Variants in KLC1 observed in about 807,000 individuals in gnomAD.
The protein encoded by KLC1 is kinesin 2 60/70kDa.
A neutral mutation model predicts 84.2 loss-of-function variants in KLC1; 30 were observed. The observed-to-expected ratio is 0.36, with a 90% CI of 0.27 to 0.48. The LOEUF (loss-of-function observed/expected upper bound fraction) is 0.48, where lower values mean the gene tolerates loss of function less well. Among genes scored for constraint, KLC1 ranks in the 20% least tolerant of loss-of-function variants. The pLI is 0.99. For synonymous variants in KLC1, 289 were observed against 293.3 expected, an observed-to-expected ratio of 0.99 and a Z score of 0.15; for missense variants, 499 against 805.4, an observed-to-expected ratio of 0.62 and a Z score of 4.60.
intron 15 of KLC1, chr14:103,697,899 C>T (rs1014132366): frequency 2.0e-5 from 3 of 152,282 alleles, no homozygotes; most frequent in Non-Finnish European, 4.4e-5. Flanking sequence ...GCAGGTGGCC[C>T]TGCCAGGAGT....
chr14:103,688,512 T>G (rs2081917375), intron 14 of KLC1, among the ~76,000 whole-genome samples: 1 of 152,204 alleles, frequency 6.6e-6, no homozygotes, highest in Admixed American at 6.5e-5. Flanking sequence ...TCTCTCTCAG[T>G]ATCCCTGATA....
Position 103,675,773 on chromosome 14 carries a change from G to T in KLC1, c.1379+17G>T. 4 of 1,611,578 alleles carry T rather than the reference G, an allele frequency of 2.5e-6. No homozygotes were observed. The highest frequency in any genetic ancestry group is 3.4e-6 in the Non-Finnish European group (4 of 1,178,280). Reference sequence around the variant, plus strand: ...AGTTGATAGGTATGTCTGGAATTGCGTTTGGCTGGAAAAACCAAAAAGCAG... The same window carrying T: ...AGTTGATAGGTATGTCTGGAATTGCTTTTGGCTGGAAAAACCAAAAAGCAG... On this transcript the variant is annotated intron_variant, in intron 11 of 16. Transcript: ENST00000334553.
At chr14:103,684,894 C>G (rs2081654562) in intron 13 of KLC1, 4 of 717,336 alleles carry the variant, frequency 5.6e-6, no homozygotes, top group African/African-American at 5.2e-5. Flanking sequence ...ATTTTAGCAT[C>G]CTTTTTCTCA....
chr14:103,659,210 C>T (rs1416538531), intron 3 of KLC1, among the ~76,000 whole-genome samples: 1 of 152,162 alleles, frequency 6.6e-6, no homozygotes, highest in Non-Finnish European at 1.5e-5. Context: ...GGTCATCCCC[C>T]CGCCTCGGCC....
rs975228418 is a variant in KLC1, at chr14:103,698,581, T to C, written c.1849-2074T>C. ...ACCAGGTACCCAGCAAGCGGGCCTG[T>C]CCCCAGACCCAGGGAGAGGCAGAAC... On this transcript the variant is annotated intron_variant, in intron 15 of 16. Coordinates refer to ENST00000334553, the MANE Select transcript of KLC1 (RefSeq NM_001394837.1). The C allele has an allele frequency of 8.4e-6, 5 of 596,424 alleles. No individual in the cohort carries two copies. The African/African-American group carries it at 9.3e-5, about 11-fold the overall frequency. The allele number at this position is 596,424 out of a possible 1,614,324, so 36.9% of individuals were successfully genotyped here. A position where few individuals can be genotyped will look rare whatever the true frequency, so the allele number is the denominator to read the frequency against.
intron 12 of KLC1, among the ~76,000 whole-genome samples, chr14:103,678,703 A>G (rs1380450082): frequency 6.6e-6 from 1 of 152,064 alleles, no homozygotes; most frequent in African/African-American, 2.4e-5. Flanking sequence ...GAAAGAAAAA[A>G]AAAAAGAAAA....
chr14:103,692,439 CCCGAATTGTG>C lies in KLC1; in HGVS notation c.1848+15_1848+24del. The C allele has an allele frequency of 1.3e-6, 2 of 1,536,038 alleles. No homozygotes were observed. The highest frequency in any genetic ancestry group is 1.7e-6 in the Non-Finnish European group (2 of 1,146,522). ...GATCGCTTTCAAGTAAGGAGCCTAC[CCCGAATTGTG>C]TCCTAGGCTGCCCAGACCACGCTGG... On this transcript the variant is annotated intron_variant, in intron 15 of 16. Transcript: ENST00000334553.
chr14:103,684,910 A>G lies in KLC1; in HGVS notation c.1651-2171A>G, dbSNP rs1480046389. On this transcript the variant is annotated intron_variant, in intron 13 of 16. Coordinates refer to ENST00000334553, the MANE Select transcript of KLC1 (RefSeq NM_001394837.1). ...TTTTAGCATCCTTTTTCTCAAGAGC[A>G]GCAAAAACTTATGTTTTCTTGTCCT... The G allele has an allele frequency of 4.1e-6, 3 of 726,610 alleles. No individual in the cohort carries two copies. The Admixed American group carries it at 6.0e-5, about 15-fold the overall frequency. 45.0% of individuals were successfully genotyped at this position (726,610 alleles called of 1,614,324 possible).
intron 1 of KLC1, among the ~76,000 whole-genome samples, chr14:103,636,995 C>T (rs2077093666): frequency 6.7e-6 from 1 of 148,294 alleles, no homozygotes; most frequent in South Asian, 2.2e-4. Flanking sequence ...TCCCAAAGTG[C>T]TGGTATTAAC....
Position 103,657,419 on chromosome 14 carries a change from T to C in KLC1, c.262-127T>C. On this transcript the variant is annotated intron_variant, in intron 2 of 16. Transcript: ENST00000334553. ...AGAGAAGTAAATGGCAGATTGTACT[T>C]ATATGTACTTTGGAGAAAATATCTG... The C allele has an allele frequency of 3.0e-6, 2 of 670,342 alleles. 1 individual carries two copies. The highest frequency in any genetic ancestry group is 5.2e-6 in the Non-Finnish European group (2 of 381,974). The allele number at this position is 670,342 out of a possible 1,614,324, so 41.5% of individuals were successfully genotyped here. A position where few individuals can be genotyped will look rare whatever the true frequency, so the allele number is the denominator to read the frequency against.
chr14:103,666,058 T>C (rs2079763659), intron 5 of KLC1, among the ~76,000 whole-genome samples: 1 of 152,242 alleles, frequency 6.6e-6, no homozygotes, highest in African/African-American at 2.4e-5. Context: ...ATTTGAGTTC[T>C]TGGTGGGCTT....
intron 1 of KLC1, among the ~76,000 whole-genome samples, chr14:103,635,081 G>A (rs902996880): frequency 6.6e-6 from 1 of 152,168 alleles, no homozygotes; most frequent in Non-Finnish European, 1.5e-5. Flanking sequence ...TTGCATATAT[G>A]CTTTTTGAAT....
intron 1 of KLC1, among the ~76,000 whole-genome samples, chr14:103,640,346 C>T (rs1190468728): frequency 6.6e-6 from 1 of 152,126 alleles, no homozygotes; most frequent in Non-Finnish European, 1.5e-5. Context: ...AGGCATGAGC[C>T]ACTGCCCCTG....
chr14:103,636,803 A>C (rs1001912941), intron 1 of KLC1, among the ~76,000 whole-genome samples: 3 of 151,990 alleles, frequency 2.0e-5, no homozygotes, highest in Non-Finnish European at 4.4e-5. Context: ...GCTCACTGCA[A>C]GCTCTGCCTC....
chr14:103,629,839 C>T (rs2076538019), intron 1 of KLC1, among the ~76,000 whole-genome samples: 1 of 152,184 alleles, frequency 6.6e-6, no homozygotes, highest in African/African-American at 2.4e-5. Flanking sequence ...CCGGCTTGGC[C>T]CTGCTGCGGG....
At chr14:103,644,627 C>T (rs1339226970) in intron 1 of KLC1, among the ~76,000 whole-genome samples, 2 of 152,078 alleles carry the variant, frequency 1.3e-5, no homozygotes, top group African/African-American at 4.8e-5. Flanking sequence ...GGTGTGGTAG[C>T]TCACGCCTAT....
intron 9 of KLC1, among the ~76,000 whole-genome samples, chr14:103,674,394 G>A (rs952673516): frequency 4.6e-5 from 7 of 151,278 alleles, no homozygotes; most frequent in Non-Finnish European, 1.0e-4. Context: ...GACTTAAAAC[G>A]AATATTGATT....
intron 1 of KLC1, among the ~76,000 whole-genome samples, chr14:103,640,185 C>T (rs144684445): frequency 1.3e-5 from 2 of 152,150 alleles, no homozygotes; most frequent in East Asian, 1.9e-4. Flanking sequence ...CTCACCCTCC[C>T]GAGTAGCTGG....
chr14:103,694,417 G>A lies in KLC1; in HGVS notation c.1848+1992G>A. ...CAGGCACCCGCCAGGCGGATCACAA[G>A]GTCAGGAGATCGAGACCATCCTGGC... On this transcript the variant is annotated intron_variant, in intron 15 of 16. Coordinates refer to ENST00000334553, the MANE Select transcript of KLC1 (RefSeq NM_001394837.1). This position sits in a 1 kb window ranked among gnomAD's most constrained non-coding sequence, Gnocchi z 4.5. 1 of 981,120 alleles carries A rather than the reference G, an allele frequency of 1.0e-6. No individual in the cohort carries two copies. Among genetic ancestry groups the A allele is most frequent in the Non-Finnish European group, 1.2e-6 (1 of 826,110 alleles). 60.8% of individuals were successfully genotyped at this position (981,120 alleles called of 1,614,324 possible). A position where few individuals can be genotyped will look rare whatever the true frequency, so the allele number is the denominator to read the frequency against.
Sources: allele counts gnomAD v4.1 joint callset (sites outside exome capture counted in the v4.1 genomes callset), GRCh38; gene constraint gnomAD v4.1.1; non-coding constraint Gnocchi (gnomAD v3.1); transcripts MANE v1.5; gene names NCBI Gene and HGNC (gene_info 2026-07-23, HGNC 2026-07-21).